Variants in RBPJ observed in about 807,000 individuals in gnomAD.
RBPJ encodes the protein recombining binding protein suppressor of hairless.
Under a neutral mutation model 67.8 loss-of-function variants are expected in RBPJ, and 9 were observed. The observed-to-expected ratio is 0.13, with a 90% CI of 0.08 to 0.23. The LOEUF (loss-of-function observed/expected upper bound fraction) is 0.23. Among genes scored for constraint, RBPJ ranks in the 10% least tolerant of loss-of-function variants. The probability of loss-of-function intolerance (pLI) is 1.00; values close to 1 mark genes in which losing one functional copy is unlikely to be tolerated. For synonymous variants in RBPJ, 198 were observed against 203.3 expected, an observed-to-expected ratio of 0.97 and a Z score of 0.22; for missense variants, 305 against 595.6, an observed-to-expected ratio of 0.51 and a Z score of 5.08.
At chr4:26,111,808 G>A in the RBPJ span, 167 of 157,724 alleles carry the variant, frequency 1.1e-3, 2 homozygotes, top group South Asian at 2.6e-3. Flanking sequence ...TCATTTCTAA[G>A]CTCAACACAT....
chr4:26,200,721 G>A (rs1224564741), intron 1 of RBPJ, among the ~76,000 whole-genome samples: 4 of 151,564 alleles, frequency 2.6e-5, no homozygotes, highest in South Asian at 2.1e-4. Flanking sequence ...CTATCCTCCC[G>A]TGTAATAGGT....
chr4:26,327,264 A>C (rs747070112), intron 1 of RBPJ, among the ~76,000 whole-genome samples: 31 of 152,196 alleles, frequency 2.0e-4, no homozygotes, highest in Admixed American at 4.6e-4. Flanking sequence ...GGAAGGCGTC[A>C]CAGGCACTGT....
At chr4:26,398,464 C>T (rs1271618481) in intron 2 of RBPJ, among the ~76,000 whole-genome samples, 2 of 152,252 alleles carry the variant, frequency 1.3e-5, no homozygotes, top group East Asian at 3.9e-4. Flanking sequence ...ATGTCTTGGC[C>T]CTCAGAACTC....
At chr4:26,148,200 A>G in the RBPJ span, among the ~76,000 whole-genome samples, 2 of 152,194 alleles carry the variant, frequency 1.3e-5, no homozygotes, top group African/African-American at 4.8e-5. Context: ...AACTGGCTAG[A>G]TAGTAGTGCC....
At chr4:26,396,149 G>A (rs1382751560) in intron 2 of RBPJ, among the ~76,000 whole-genome samples, 4 of 152,196 alleles carry the variant, frequency 2.6e-5, no homozygotes, top group African/African-American at 7.2e-5. Flanking sequence ...CAAACACCAT[G>A]CAAAGTAGGT....
rs368135371 is a variant in RBPJ at position 26,269,317 on chromosome 4, G to A, written c.-166-93129G>A. On this transcript the variant is annotated intron_variant, in intron 1 of 4. Coordinates refer to the RBPJ transcript ENST00000512351. ...ATCGTCCAGGCTAGAATACAGTGGCGGGATCTAGGCTCACTGCAACCTCTG... is the reference window on the plus strand; with the variant it reads ...ATCGTCCAGGCTAGAATACAGTGGCAGGATCTAGGCTCACTGCAACCTCTG... 1.1e-3 allele frequency among the ~76,000 whole-genome samples: 160 copies of A among 151,208 alleles called. 1 individual carries two copies. The highest frequency in any genetic ancestry group is 3.7e-3 in the African/African-American group (151 of 41,162).
intron 1 of RBPJ, among the ~76,000 whole-genome samples, chr4:26,363,630 G>T (rs563155206): frequency 6.6e-6 from 1 of 152,144 alleles, no homozygotes; most frequent in South Asian, 2.1e-4. Flanking sequence ...GTAGAGACGG[G>T]TTGTCACCAT....
intron 1 of RBPJ, among the ~76,000 whole-genome samples, chr4:26,340,750 T>C (rs939023961): frequency 6.6e-6 from 1 of 151,862 alleles, no homozygotes; most frequent in African/African-American, 2.4e-5. Context: ...TCCCAGCTGC[T>C]TGGGAGGCTG....
chr4:26,349,072 T>TTGTGTGTG (rs752007042), intron 1 of RBPJ, among the ~76,000 whole-genome samples: 1 of 136,866 alleles, frequency 7.3e-6, no homozygotes, highest in South Asian at 2.5e-4. Context: ...CATCACAAGT[T>TTGTGTGTG]TGTGTGTGTG....
intron 1 of RBPJ, among the ~76,000 whole-genome samples, chr4:26,287,576 AAGGACAGGAGAGGAG>A (rs1560245319): frequency 4.6e-5 from 2 of 43,066 alleles, no homozygotes; most frequent in African/African-American, 2.7e-4. Context: ...AAGGAAAGGA[AAGGACAGGAGAGGAG>A]AGGGGAGGGG....
chr4:26,275,370 G>A (rs184619495), intron 1 of RBPJ, among the ~76,000 whole-genome samples: 3 of 152,242 alleles, frequency 2.0e-5, no homozygotes, highest in African/African-American at 7.2e-5. Flanking sequence ...ATGGGTAACT[G>A]TTTTCCTAGG....
upstream of RBPJ, chr4:26,320,795 T>G (rs1246833844): frequency 3.2e-6 from 5 of 1,556,228 alleles, no homozygotes; most frequent in East Asian, 2.4e-5. Flanking sequence ...AGGAGCCGCC[T>G]GCGCATGCTC....
rs1735406068 is a variant in RBPJ, at chr4:26,424,100, C to T, written c.497-242C>T. Among the ~76,000 whole-genome samples the T allele has an allele frequency of 6.6e-6, 1 of 152,188 alleles. No homozygotes were observed. Among genetic ancestry groups the T allele is most frequent in the South Asian group, 2.1e-4 (1 of 4,834 alleles). On this transcript the variant is annotated intron_variant, in intron 5 of 10. Coordinates refer to ENST00000355476, the MANE Select transcript of RBPJ (RefSeq NM_015874.6). The surrounding 1 kb of genome is among the most constrained non-coding windows in gnomAD (Gnocchi z 5.3). ...AATAATCAGCACCACATTAAACATACTGTGTAGCTTTCACTTTAAAATTAT... is the reference window on the plus strand; with the variant it reads ...AATAATCAGCACCACATTAAACATATTGTGTAGCTTTCACTTTAAAATTAT...
At chr4:26,409,369 GC>G (rs1389216324) in intron 3 of RBPJ, among the ~76,000 whole-genome samples, 14 of 152,138 alleles carry the variant, frequency 9.2e-5, no homozygotes, top group African/African-American at 3.4e-4. Flanking sequence ...AGGTGCCACT[GC>G]ACTCCAGCCT....
chr4:26,386,375 C>G lies in RBPJ; in HGVS notation c.43C>G (p.Pro15Ala). ...VTGKFGERPP[P>A]KRLTREAMRN... ...CAGGAAATTTGGTGAGCGGCCTCCA[C>G]CTAAACGACTTACTAGGTGAGTATT... The change falls in exon 2 of 11, where the codon CCT (proline) becomes GCT (alanine). Residue 15 changes from proline to alanine, a missense_variant. Coordinates refer to ENST00000355476, the MANE Select transcript of RBPJ (RefSeq NM_015874.6). 1 of 1,600,106 alleles carries G rather than the reference C, an allele frequency of 6.2e-7. No individual in the cohort carries two copies. Among genetic ancestry groups the G allele is most frequent in the Non-Finnish European group, 8.5e-7 (1 of 1,173,446 alleles).
Position 26,264,805 on chromosome 4 carries a change from G to A in RBPJ, c.-166-97641G>A, listed in dbSNP as rs1007248468. ...CATAACCCTCTGCCTACCGTAGCAG[G>A]CATTTTATGGTTTGCCTTAAGTTAT... is the stretch of plus-strand genomic sequence containing the variant. On this transcript the variant is annotated intron_variant, in intron 1 of 4. Coordinates refer to the RBPJ transcript ENST00000512351. The surrounding 1 kb of genome is among the most constrained non-coding windows in gnomAD (Gnocchi z 4.1). Among the ~76,000 whole-genome samples the A allele has an allele frequency of 6.6e-6, 1 of 152,162 alleles. No individual in the cohort carries two copies. Among genetic ancestry groups the A allele is most frequent in the African/African-American group, 2.4e-5 (1 of 41,422 alleles).
At chr4:26,312,044 C>G (rs928384721) in intron 1 of RBPJ, among the ~76,000 whole-genome samples, 1 of 152,194 alleles carries the variant, frequency 6.6e-6, no homozygotes, top group African/African-American at 2.4e-5. Flanking sequence ...CATTTAGCGT[C>G]TTAGGGAGTG....
At chr4:26,303,949 G>A (rs1249357753) in intron 1 of RBPJ, among the ~76,000 whole-genome samples, 1 of 152,142 alleles carries the variant, frequency 6.6e-6, no homozygotes, top group African/African-American at 2.4e-5. Context: ...TATATTCAGA[G>A]TTGTGCAGCC....
chr4:26,354,519 A>T (rs1383650250), intron 1 of RBPJ, among the ~76,000 whole-genome samples: 5 of 143,292 alleles, frequency 3.5e-5, no homozygotes, highest in African/African-American at 1.3e-4. Flanking sequence ...GTATGATCTC[A>T]GCTTATTGCC....
Sources: gnomAD v4.1 joint callset for allele counts (sites outside exome capture counted in the v4.1 genomes callset) on GRCh38, gnomAD v4.1.1 for gene constraint, Gnocchi (gnomAD v3.1) non-coding constraint, MANE v1.5 for transcripts, NCBI Gene and HGNC (gene_info 2026-07-23, HGNC 2026-07-21) for gene names.